The following SNHG17 variants were observed in gnomAD, a reference collection of about 807,000 sequenced individuals.
The protein encoded by SNHG17 is small nucleolar RNA host gene 17.
chr20:38,434,290 C>T (rs190410179), intron 2 of SNHG17, among the ~76,000 whole-genome samples: 3 of 152,346 alleles, frequency 2.0e-5, no homozygotes, highest in Admixed American at 2.0e-4. Flanking sequence ...TTTGCAGTTT[C>T]CCTACTTTAC....
chr20:38,432,201 G>C (rs771676206), intron 2 of SNHG17: 17 of 982,278 alleles, frequency 1.7e-5, no homozygotes, highest in Non-Finnish European at 2.1e-5. Flanking sequence ...AAGTTGGCTA[G>C]TGTTAACAGT....
intron 2 of SNHG17, among the ~76,000 whole-genome samples, chr20:38,432,704 T>TTTG (rs2084359709): frequency 1.3e-5 from 2 of 152,198 alleles, no homozygotes; most frequent in African/African-American, 4.8e-5. Context: ...TGAAGTCTTT[T>TTTG]TTGTTGTTGT....
At chr20:38,423,983 C>T (rs1297774552) in intron 5 of SNHG17, among the ~76,000 whole-genome samples, 1 of 152,062 alleles carries the variant, frequency 6.6e-6, no homozygotes, top group African/African-American at 2.4e-5. Flanking sequence ...ACCAGCCTGG[C>T]CAACATGGTG....
exon 3 of SNHG17, chr20:38,431,098 A>C (rs1205640294): frequency 2.0e-5 from 3 of 152,314 alleles, no homozygotes; most frequent in Non-Finnish European, 4.4e-5. Context: ...ATGGGGCGGC[A>C]GTCATGTGAC....
chr20:38,435,321 GA>G (rs551683434), exon 1 of SNHG17: 101 of 1,231,324 alleles, frequency 8.2e-5, no homozygotes, highest in Non-Finnish European at 1.0e-4. Flanking sequence ...GAGGGACGGC[GA>G]AGGACTGAGG....
chr20:38,425,398 A>G lies in SNHG17; in HGVS notation n.579+537T>C, dbSNP rs557912196. 1.9e-3 allele frequency: 908 copies of G among 479,292 alleles called. 5 individuals carry two copies. Among genetic ancestry groups the G allele is most frequent in the Middle Eastern group, 0.018 (52 of 2,924 alleles). 29.7% of individuals were successfully genotyped at this position (479,292 alleles called of 1,614,324 possible). A position where few individuals can be genotyped will look rare whatever the true frequency, so the allele number is the denominator to read the frequency against. ...CAGCAGCTTAGGAAGGGCCCAAACT[A>G]AGAGACCTGGAAACAAGTCAGTGAC... is the stretch of plus-strand genomic sequence containing the variant. On this transcript the variant is annotated intron_variant and non_coding_transcript_variant, in intron 5 of 8. Transcript: ENST00000654008.
rs143350318 is a variant in SNHG17 at position 38,431,660 on chromosome 20, C to T, written n.309-548G>A. 3.0e-3 allele frequency among the ~76,000 whole-genome samples: 457 copies of T among 152,218 alleles called. 2 individuals carry two copies. Among genetic ancestry groups the T allele is most frequent in the African/African-American group, 0.011 (436 of 41,524 alleles). The stretch of plus-strand genomic sequence containing the variant: ...CCTCAGCGTACTCCTGTTTTCCAGA[C>T]GAGAAAACTGAAGATCACAAAAAGA... On this transcript the variant is annotated intron_variant and non_coding_transcript_variant, in intron 2 of 8. Transcript: ENST00000654008.
exon 1 of SNHG17, chr20:38,435,256 A>T: frequency 5.7e-6 from 7 of 1,231,842 alleles, no homozygotes; most frequent in Non-Finnish European, 7.1e-6. Context: ...AAAAATCAAG[A>T]TGTCTGCAGA....
At chr20:38,434,735 C>G in intron 1 of SNHG17, 1 of 583,504 alleles carries the variant, frequency 1.7e-6, no homozygotes, top group South Asian at 7.5e-5. Flanking sequence ...TAAACCACAG[C>G]TAACTGGTCT....
At chr20:38,430,652 T>C (rs2084328035) in intron 3 of SNHG17, 1 of 152,092 alleles carries the variant, frequency 6.6e-6, no homozygotes, top group African/African-American at 2.4e-5. Flanking sequence ...AATAACAGAC[T>C]GGGCTGGAGG....
chr20:38,427,715 C>T (rs1202893140), intron 3 of SNHG17: 1 of 161,776 alleles, frequency 6.2e-6, no homozygotes, highest in East Asian at 1.8e-4. Context: ...AGATTCAAAA[C>T]AGGTCAGATG....
In SNHG17 at chr20:38,433,858, A is replaced by G. The variant is rs769103740; in HGVS notation, n.308+646T>C. On this transcript the variant is annotated intron_variant and non_coding_transcript_variant, in intron 2 of 8. Coordinates refer to ENST00000654008, the Ensembl canonical transcript of SNHG17. ...CAGGAGGCATTTGAAAGATGGTGAG[A>G]AGGAGGTGTGAGAAAGCTCCAGAGT... The G allele has an allele frequency of 2.2e-4, 116 of 519,212 alleles. 1 individual carries two copies. Among genetic ancestry groups the G allele is most frequent in the South Asian group, 1.3e-3 (96 of 71,590 alleles). The allele number at this position is 519,212 out of a possible 1,614,324, so 32.2% of individuals were successfully genotyped here. A position where few individuals can be genotyped will look rare whatever the true frequency, so the allele number is the denominator to read the frequency against.
intron 3 of SNHG17, chr20:38,427,504 C>T: frequency 2.1e-6 from 1 of 469,100 alleles, no homozygotes; most frequent in Non-Finnish European, 4.3e-6. Context: ...GTGGGATGAC[C>T]CAAGTCAGGG....
At chr20:38,432,170 C>T in intron 2 of SNHG17, 1 of 985,454 alleles carries the variant, frequency 1.0e-6, no homozygotes, top group Non-Finnish European at 1.2e-6. Flanking sequence ...CAGAAGCCAC[C>T]AGGTGGTAAA....
chr20:38,423,180 T>C lies in SNHG17; in HGVS notation n.580-939A>G, dbSNP rs1181054872. On this transcript the variant is annotated intron_variant and non_coding_transcript_variant, in intron 5 of 8. Transcript: ENST00000654008. ...TGGAAGCGAAAGCAGAAGGATGGTT[T>C]AAGCCCAGGAGTTGGAGACCAGCCT... is the stretch of plus-strand genomic sequence containing the variant. Among the ~76,000 whole-genome samples, 8 of 151,338 alleles carry C rather than the reference T, an allele frequency of 5.3e-5. No individual in the cohort carries two copies. The East Asian group carries it at 1.2e-3, about 22-fold the overall frequency.
chr20:38,434,756 G>A (rs2084403442), intron 1 of SNHG17: 1 of 796,144 alleles, frequency 1.3e-6, no homozygotes, highest in Non-Finnish European at 1.5e-6. Flanking sequence ...GTAAAATGAA[G>A]GTTCTAACAC....
chr20:38,427,011 C>CACACACACACAA (rs2084260897), intron 3 of SNHG17, among the ~76,000 whole-genome samples: 1 of 141,832 alleles, frequency 7.1e-6, no homozygotes, highest in Non-Finnish European at 1.5e-5. Flanking sequence ...CACACACACA[C>CACACACACACAA]ACACACACAC....
At chr20:38,432,181 C>A in intron 2 of SNHG17, 1 of 985,416 alleles carries the variant, frequency 1.0e-6, no homozygotes, top group Middle Eastern at 5.2e-4. Flanking sequence ...AGGTGGTAAA[C>A]ATTTCCTAAA....
intron 5 of SNHG17, among the ~76,000 whole-genome samples, chr20:38,423,550 T>TA (rs34484602): frequency 0.26 from 32,818 of 124,868 alleles, 4,784 homozygotes; most frequent in African/African-American, 0.43. Flanking sequence ...TGTGCAATGT[T>TA]AAAAAAAAAA....
Sources: allele counts gnomAD v4.1 joint callset (sites outside exome capture counted in the v4.1 genomes callset), GRCh38; gene constraint gnomAD v4.1.1; transcripts MANE v1.5; gene names NCBI Gene and HGNC (gene_info 2026-07-23, HGNC 2026-07-21).